Variants in ATM observed in about 807,000 individuals in gnomAD.
ATM encodes the protein ATM serine/threonine kinase, also known as serine-protein kinase ATM.
A neutral mutation model predicts 387.0 loss-of-function variants in ATM; 308 were observed. The ratio of observed to expected loss-of-function variants is 0.80; its 90% CI spans 0.73 to 0.87. The LOEUF is 0.87. Ranked by LOEUF, ATM falls within the 40% of genes least tolerant of loss-of-function variation. ATM has a pLI of 0.00. For missense variants in ATM, 3,312 were observed against 3,560.9 expected, an observed-to-expected ratio of 0.93 and a Z score of 1.78; for synonymous variants, 1,156 against 1,187.3, an observed-to-expected ratio of 0.97 and a Z score of 0.54.
At chr11:108,283,685 C>T (rs2082343204) in intron 25 of ATM, among the ~76,000 whole-genome samples, 1 of 152,136 alleles carries the variant, frequency 6.6e-6, no homozygotes, top group Non-Finnish European at 1.5e-5. Flanking sequence ...GGATTCATTC[C>T]AGGATCCCCC....
chr11:108,261,449 A>G (rs1236927132), intron 16 of ATM, among the ~76,000 whole-genome samples: 3 of 152,188 alleles, frequency 2.0e-5, no homozygotes, highest in East Asian at 1.9e-4. Flanking sequence ...AAACTAACAA[A>G]CAGAAAGGAC....
chr11:108,225,421 G>A (rs977563937), intron 1 of ATM: 1 of 152,234 alleles, frequency 6.6e-6, no homozygotes, highest in Non-Finnish European at 1.5e-5. Flanking sequence ...TATAAAAGGA[G>A]AAGAGAATCA....
At chr11:108,345,929 G>A in intron 58 of ATM, 21 bp downstream of exon 58, 1 of 1,612,902 alleles carries the variant, frequency 6.2e-7, no homozygotes, top group Non-Finnish European at 8.5e-7. Context: ...TGTACATATA[G>A]TAGATTGAGC....
Position 108,332,850 on chromosome 11 carries a change from C to G in ATM, c.7877C>G (p.Ala2626Gly). 1 of 1,612,976 alleles carries G rather than the reference C, an allele frequency of 6.2e-7. No individual in the cohort carries two copies. ...AGAAGTGTTGAGGCACTTTGTGATG[C>G]TTATATTATATTAGCAAACTTAGAT... Reference protein sequence around the residue: ...MVRSVEALCDAYIILANLDAT... With the variant: ...MVRSVEALCDGYIILANLDAT... The change falls in exon 53 of 63, where the codon GCT (alanine) becomes GGT (glycine). Residue 2626 changes from alanine to glycine, a missense_variant. Transcript: ENST00000675843.
intron 35 of ATM, 35 bp from the exon 36 acceptor site, chr11:108,302,818 C>T: frequency 6.4e-7 from 1 of 1,563,008 alleles, no homozygotes; most frequent in Non-Finnish European, 8.8e-7. Context: ...ATTTCCACTT[C>T]TCTTATTTAC....
intron 59 of ATM, among the ~76,000 whole-genome samples, chr11:108,350,004 T>C (rs1246452544): frequency 1.3e-5 from 2 of 152,036 alleles, no homozygotes; most frequent in Non-Finnish European, 2.9e-5. Flanking sequence ...TGCTGAGAAA[T>C]AGAAAGCATG....
chr11:108,277,615 C>G (rs1479300615), intron 22 of ATM, among the ~76,000 whole-genome samples: 1 of 152,190 alleles, frequency 6.6e-6, no homozygotes, highest in Non-Finnish European at 1.5e-5. Flanking sequence ...TCCCTCACGG[C>G]TTCCCTTGGC....
At chr11:108,344,563 C>T (rs761671726) in intron 57 of ATM, among the ~76,000 whole-genome samples, 21 of 152,012 alleles carry the variant, frequency 1.4e-4, no homozygotes, top group Non-Finnish European at 2.6e-4. Context: ...GAAATTCCGA[C>T]GGCACTGTGG....
intron 27 of ATM, 50 bp downstream of exon 27, chr11:108,287,765 AAAG>A (rs2082571507): frequency 2.3e-6 from 3 of 1,327,878 alleles, no homozygotes; most frequent in South Asian, 1.2e-5. Flanking sequence ...ACAAGTTTTT[AAAG>A]AAGTTTATTG....
chr11:108,336,842 T>A (rs1039145416), intron 56 of ATM, among the ~76,000 whole-genome samples: 1 of 152,222 alleles, frequency 6.6e-6, no homozygotes, highest in African/African-American at 2.4e-5. Flanking sequence ...CTTTGACTCT[T>A]ATATTAATTA....
chr11:108,327,569 T>C, intron 47 of ATM, 76 bp from the exon 48 acceptor site: 3 of 1,233,292 alleles, frequency 2.4e-6, no homozygotes, highest in East Asian at 4.9e-5. Context: ...ACCTGCTTTT[T>C]TCCCCGTACA....
rs2135912945 is a variant in ATM at position 108,301,695 on chromosome 11, C to A, written c.5225C>A (p.Ala1742Asp). Residue 1742 changes from alanine (A) to aspartate (D), a missense_variant, in exon 35 of 63, where the codon GCC becomes GAC. Physicochemically the swap from Ala to Asp is moderately radical, Grantham distance 126. Coordinates refer to ENST00000675843, the MANE Select transcript of ATM (RefSeq NM_000051.4). ...AAVTCLKNIL[A>D]TKTGHSFWEI... The stretch of plus-strand genomic sequence containing the variant: ...GTTACCTGTTTGAAAAACATTTTAG[C>A]CACAAAGACTGGACATAGTTTCTGG... 1 of 1,613,632 alleles carries A rather than the reference C, an allele frequency of 6.2e-7. No homozygotes were observed. Among genetic ancestry groups the A allele is most frequent in the Non-Finnish European group, 8.5e-7 (1 of 1,179,756 alleles).
rs1350207854 is a variant in ATM, at chr11:108,309,105, G to C, written c.5763-1055G>C. 5.6e-6 allele frequency: 7 copies of C among 1,243,798 alleles called. No homozygotes were observed. The Admixed American group carries it at 9.9e-5, about 18-fold the overall frequency. The allele number at this position is 1,243,798 out of a possible 1,614,324, so 77.0% of individuals were successfully genotyped here. ...AGTATGAATGGGATATAGAAAAACG[G>C]GTAAAGACATGCATTCAAGTCCAAG... is the stretch of plus-strand genomic sequence containing the variant. On this transcript the variant is annotated intron_variant, in intron 38 of 62. Transcript: ENST00000675843.
rs997382457 is a variant in ATM, at chr11:108,229,042, T to G, written c.186-136T>G. The G allele has an allele frequency of 8.5e-5, 69 of 809,820 alleles. No individual in the cohort carries two copies. The African/African-American group carries it at 1.2e-3, about 14-fold the overall frequency. 50.2% of individuals were successfully genotyped at this position (809,820 alleles called of 1,614,324 possible). On this transcript the variant is annotated intron_variant, in intron 3 of 62. Coordinates refer to ENST00000675843, the MANE Select transcript of ATM (RefSeq NM_000051.4). The stretch of plus-strand genomic sequence containing the variant: ...GAAAGAGAGATTTAATTGTTTTATT[T>G]GTTTTTTTCAGCTGATGTAGTAATC...
chr11:108,363,094 TC>T lies in ATM; in HGVS notation c.8851-1986del, dbSNP rs1213193298. On this transcript the variant is annotated intron_variant, in intron 61 of 62. Coordinates refer to ENST00000675843, the MANE Select transcript of ATM (RefSeq NM_000051.4). ...TCCCCAAATCATTTGGTGTGATTGT[TC>T]CAATCTTCAAGAATAATTTTCCCAG... 2.0e-5 allele frequency among the ~76,000 whole-genome samples: 3 copies of T among 152,208 alleles called. No individual in the cohort carries two copies. In the East Asian group the frequency reaches 5.8e-4, roughly 29 times the overall value.
intron 27 of ATM, among the ~76,000 whole-genome samples, chr11:108,288,638 T>A (rs1273789525): frequency 6.6e-6 from 1 of 152,090 alleles, no homozygotes; most frequent in African/African-American, 2.4e-5. Flanking sequence ...AGTACTGCTT[T>A]TACAGTACTG....
intron 22 of ATM, among the ~76,000 whole-genome samples, chr11:108,274,353 GT>G (rs2081807799): frequency 2.0e-5 from 3 of 151,608 alleles, no homozygotes; most frequent in Non-Finnish European, 3.0e-5. Flanking sequence ...TTTTGTGTGT[GT>G]GTGTCTCTAT....
chr11:108,248,836 C>A (rs942881969), intron 8 of ATM, 97 bp from the exon 9 acceptor site: 3 of 1,032,934 alleles, frequency 2.9e-6, no homozygotes, highest in South Asian at 1.6e-5. Flanking sequence ...TGTGGTGATA[C>A]GAGATCGTGC....
chr11:108,306,220 T>C (rs1215231884), intron 37 of ATM, among the ~76,000 whole-genome samples: 1 of 152,216 alleles, frequency 6.6e-6, no homozygotes, highest in East Asian at 1.9e-4. Flanking sequence ...ATTATAAACA[T>C]AGACATAGAT....
Sources: gnomAD v4.1 joint callset for allele counts (sites outside exome capture counted in the v4.1 genomes callset) on GRCh38, gnomAD v4.1.1 for gene constraint, MANE v1.5 for transcripts, NCBI Gene and HGNC (gene_info 2026-07-23, HGNC 2026-07-21) for gene names.